CDH12: variants seen among roughly 807,000 people sequenced by gnomAD.
CDH12 encodes cadherin-12.
Under a neutral mutation model 74.1 loss-of-function variants are expected in CDH12, and 41 were observed. The ratio of observed to expected loss-of-function variants is 0.55; its 90% CI spans 0.43 to 0.72. The LOEUF (loss-of-function observed/expected upper bound fraction) is 0.72. Ranked by LOEUF, CDH12 falls within the 30% of genes least tolerant of loss-of-function variation. CDH12 has a pLI of 0.00. For missense variants in CDH12, 945 were observed against 977.2 expected, an observed-to-expected ratio of 0.97 and a Z score of 0.44; for synonymous variants, 399 against 355.0, an observed-to-expected ratio of 1.12 and a Z score of -1.39.
chr5:21,834,451 G>A (rs1749419507), intron 8 of CDH12, among the ~76,000 whole-genome samples: 1 of 151,700 alleles, frequency 6.6e-6, no homozygotes, highest in Non-Finnish European at 1.5e-5. Flanking sequence ...CTTCCTACAT[G>A]GGAGATATTT....
intron 2 of CDH12, among the ~76,000 whole-genome samples, chr5:22,419,327 C>G (rs1743535266): frequency 6.6e-6 from 1 of 152,046 alleles, no homozygotes; most frequent in Non-Finnish European, 1.5e-5. Context: ...CTGACAGGCC[C>G]CAGTGTGTGT....
At chr5:22,517,589 T>G (rs1261427949) in intron 1 of CDH12, among the ~76,000 whole-genome samples, 1 of 152,206 alleles carries the variant, frequency 6.6e-6, no homozygotes, top group Non-Finnish European at 1.5e-5. Context: ...TCTTTTAAAC[T>G]ACAAACTACA....
intron 3 of CDH12, among the ~76,000 whole-genome samples, chr5:22,380,206 A>T (rs1741701026): frequency 6.6e-6 from 1 of 152,200 alleles, no homozygotes; most frequent in South Asian, 2.1e-4. Context: ...GAGTTAATAG[A>T]CTTCAAAAGT....
intron 1 of CDH12, among the ~76,000 whole-genome samples, chr5:22,730,570 T>A (rs1225131274): frequency 6.6e-6 from 1 of 151,760 alleles, no homozygotes; most frequent in East Asian, 1.9e-4. Context: ...ACACCTTCTG[T>A]CAAAGAACAG....
chr5:22,083,196 T>C (rs1349502888), intron 4 of CDH12, among the ~76,000 whole-genome samples: 2 of 152,208 alleles, frequency 1.3e-5, no homozygotes, highest in Non-Finnish European at 2.9e-5. Context: ...ACTTTCTCCT[T>C]GCACGTATTA....
intron 6 of CDH12, among the ~76,000 whole-genome samples, chr5:21,935,499 T>C (rs1219868708): frequency 3.9e-5 from 6 of 152,200 alleles, no homozygotes; most frequent in Non-Finnish European, 4.4e-5. Context: ...TATATATTTA[T>C]GGAGTACATG....
chr5:22,670,450 C>A (rs943834272), intron 1 of CDH12, among the ~76,000 whole-genome samples: 24 of 152,074 alleles, frequency 1.6e-4, no homozygotes, highest in African/African-American at 5.8e-4. Flanking sequence ...CTGCAGATAA[C>A]CACTGTTCTC....
intron 5 of CDH12, among the ~76,000 whole-genome samples, chr5:22,013,388 G>C (rs1229651328): frequency 6.6e-6 from 1 of 152,148 alleles, no homozygotes; most frequent in Non-Finnish European, 1.5e-5. Context: ...CTTGCTAGGT[G>C]GGGATTACGG....
At chr5:22,324,605 TTTATTATTTTATAAAA>T (rs2150439783) in intron 3 of CDH12, among the ~76,000 whole-genome samples, 1 of 151,730 alleles carries the variant, frequency 6.6e-6, no homozygotes, top group Non-Finnish European at 1.5e-5. Flanking sequence ...AACCAAATAT[TTTATTATTTTATAAAA>T]TATATTTAGA....
chr5:22,421,224 A>G (rs1743638853), intron 2 of CDH12, among the ~76,000 whole-genome samples: 1 of 152,072 alleles, frequency 6.6e-6, no homozygotes, highest in Admixed American at 6.5e-5. Flanking sequence ...GTTCTGGGAT[A>G]CATGTGCAGA....
At chr5:22,571,269 C>T (rs1739525456) in intron 1 of CDH12, among the ~76,000 whole-genome samples, 1 of 151,936 alleles carries the variant, frequency 6.6e-6, no homozygotes, top group Admixed American at 6.6e-5. Flanking sequence ...AGAGATGTAA[C>T]TTTCAGTCTA....
In CDH12 at chr5:22,698,122, C is replaced by CTTTTTTTT. The variant is rs10677695; in HGVS notation, c.-523+154928_-523+154935dup. ...CCTTAATGCCCGCATAAAGGCAGGGCTTTTTTTTTTTTTTTTGAGATGGAG... is the reference window on the plus strand; with the variant it reads ...CCTTAATGCCCGCATAAAGGCAGGGCTTTTTTTTTTTTTTTTTTTTTTTTGAGATGGAG... On this transcript the variant is annotated intron_variant, in intron 1 of 14. Coordinates refer to ENST00000382254, the MANE Select transcript of CDH12 (RefSeq NM_004061.5). Among the ~76,000 whole-genome samples the CTTTTTTTT allele has an allele frequency of 9.4e-3, 858 of 91,092 alleles. 75 individuals carry two copies. The highest frequency in any genetic ancestry group is 0.011 in the Non-Finnish European group (558 of 49,444). 59.8% of individuals were successfully genotyped at this position (91,092 alleles called of 152,430 possible).
intron 6 of CDH12, among the ~76,000 whole-genome samples, chr5:21,912,007 G>C (rs1026805747): frequency 6.6e-6 from 1 of 152,084 alleles, no homozygotes; most frequent in Non-Finnish European, 1.5e-5. Context: ...AGCTTATAAA[G>C]AGAAACAAGT....
At chr5:21,866,424 A>AATCCAGGCTGAGGTGGTCTCAG (rs1482564915) in intron 6 of CDH12, among the ~76,000 whole-genome samples, 1 of 152,194 alleles carries the variant, frequency 6.6e-6, no homozygotes, top group Admixed American at 6.5e-5. Context: ...TGGACAATGA[A>AATCCAGGCTGAGGTGGTCTCAG]ATCCAGGCTG....
At chr5:22,165,501 T>C (rs1213213411) in intron 4 of CDH12, among the ~76,000 whole-genome samples, 4 of 50,346 alleles carry the variant, frequency 7.9e-5, no homozygotes, top group Admixed American at 3.0e-4. Flanking sequence ...CACATACACA[T>C]ACACACACAC....
chr5:22,438,097 C>T (rs1440829849), intron 2 of CDH12, among the ~76,000 whole-genome samples: 2 of 151,934 alleles, frequency 1.3e-5, no homozygotes, highest in South Asian at 2.1e-4. Context: ...CTTATCTTTA[C>T]TTAGAAACGT....
At chr5:22,557,196 T>C (rs2126742867) in intron 1 of CDH12, among the ~76,000 whole-genome samples, 1 of 152,242 alleles carries the variant, frequency 6.6e-6, no homozygotes, top group South Asian at 2.1e-4. Context: ...ATTTGTTAAA[T>C]ACATACGTTT....
At chr5:22,455,770 T>C (rs913265118) in intron 2 of CDH12, among the ~76,000 whole-genome samples, 1 of 152,162 alleles carries the variant, frequency 6.6e-6, no homozygotes, top group Non-Finnish European at 1.5e-5. Flanking sequence ...TTTGGTAGTT[T>C]GTAAACAACA....
intron 3 of CDH12, among the ~76,000 whole-genome samples, chr5:22,361,015 G>A (rs931866378): frequency 1.3e-5 from 2 of 152,130 alleles, no homozygotes; most frequent in African/African-American, 4.8e-5. Context: ...TTTAAAAACT[G>A]GCAAAAGACA....
Sources: allele counts gnomAD v4.1 joint callset (sites outside exome capture counted in the v4.1 genomes callset), GRCh38; gene constraint gnomAD v4.1.1; transcripts MANE v1.5; gene names NCBI Gene and HGNC (gene_info 2026-07-23, HGNC 2026-07-21).